Variants in ARAP2 observed in about 807,000 individuals in gnomAD.
ARAP2 encodes the protein arf-GAP with Rho-GAP domain, ANK repeat and PH domain-containing protein 2.
ARAP2 carries 148 observed loss-of-function variants against 194.5 expected under a neutral mutation model. The observed-to-expected ratio is 0.76, with a 90% CI of 0.67 to 0.87. The LOEUF (loss-of-function observed/expected upper bound fraction) is 0.87. Among genes scored for constraint, ARAP2 ranks in the 40% least tolerant of loss-of-function variants. ARAP2 has a pLI of 0.00. For missense variants in ARAP2, 2,128 were observed against 1,989.7 expected, an observed-to-expected ratio of 1.07 and a Z score of -1.32; for synonymous variants, 695 against 683.5, an observed-to-expected ratio of 1.02 and a Z score of -0.26.
intron 19 of ARAP2, among the ~76,000 whole-genome samples, chr4:36,144,558 T>G (rs1232164618): frequency 1.3e-5 from 2 of 151,788 alleles, no homozygotes; most frequent in African/African-American, 2.4e-5. Context: ...AAAGTCCTAA[T>G]TACGCCTAGA....
chr4:36,169,649 A>G (rs191401888), intron 9 of ARAP2, among the ~76,000 whole-genome samples: 3 of 151,084 alleles, frequency 2.0e-5, no homozygotes, highest in Admixed American at 1.3e-4. Context: ...CCCCTGCCTC[A>G]GCCTCCTGAG....
intron 5 of ARAP2, among the ~76,000 whole-genome samples, chr4:36,040,728 G>A (rs1279729887): frequency 1.3e-5 from 2 of 152,128 alleles, no homozygotes; most frequent in Non-Finnish European, 2.9e-5. Context: ...GCAAAGGAAG[G>A]AGCTTTTGGG....
At chr4:36,034,671 G>C (rs1719609955) in intron 5 of ARAP2, among the ~76,000 whole-genome samples, 1 of 151,904 alleles carries the variant, frequency 6.6e-6, no homozygotes, top group South Asian at 2.1e-4. Flanking sequence ...AGTGGTGTTT[G>C]GTTCTCAAGG....
At chr4:36,106,959 G>T (rs1718573937) in intron 27 of ARAP2, among the ~76,000 whole-genome samples, 1 of 151,764 alleles carries the variant, frequency 6.6e-6, no homozygotes, top group African/African-American at 2.4e-5. Context: ...CACAACAGAA[G>T]AATAATTAAG....
chr4:36,163,251 A>C (rs1734499326), intron 11 of ARAP2, among the ~76,000 whole-genome samples: 1 of 152,154 alleles, frequency 6.6e-6, no homozygotes, highest in African/African-American at 2.4e-5. Flanking sequence ...TGGGAAAAAA[A>C]ATACTGGAAA....
At chr4:36,120,049 T>C (rs187101123) in intron 23 of ARAP2, among the ~76,000 whole-genome samples, 28 of 151,666 alleles carry the variant, frequency 1.8e-4, no homozygotes, top group African/African-American at 6.5e-4. Context: ...CAAACTGAAA[T>C]GTTCATTAGG....
intron 25 of ARAP2, among the ~76,000 whole-genome samples, chr4:36,116,564 A>G (rs1053383105): frequency 2.0e-5 from 3 of 151,912 alleles, no homozygotes; most frequent in African/African-American, 4.8e-5. Flanking sequence ...ACTGGATGCT[A>G]AAGTATAGAA....
chr4:36,188,521 T>TG (rs1359260056), intron 7 of ARAP2, among the ~76,000 whole-genome samples: 3 of 152,070 alleles, frequency 2.0e-5, no homozygotes, highest in Non-Finnish European at 2.9e-5. Context: ...GACAAGTGCG[T>TG]GGGGGGCATT....
At chr4:36,031,384 T>C (rs1039296414) in intron 5 of ARAP2, among the ~76,000 whole-genome samples, 1 of 152,208 alleles carries the variant, frequency 6.6e-6, no homozygotes, top group Non-Finnish European at 1.5e-5. Context: ...CTTCTTATAC[T>C]AAGAAGCTTA....
Position 36,067,116 on chromosome 4 carries a change from T to C in ARAP2, c.*791A>G, listed in dbSNP as rs962961406. 6.6e-6 allele frequency: 1 copy of C among 152,272 alleles called. No individual in the cohort carries two copies. Among genetic ancestry groups the C allele is most frequent in the African/African-American group, 2.4e-5 (1 of 41,456 alleles). 9.4% of individuals were successfully genotyped at this position (152,272 alleles called of 1,614,324 possible). A position where few individuals can be genotyped will look rare whatever the true frequency, so the allele number is the denominator to read the frequency against. ...TGTACACAACCTCTCCAATGCAGTG[T>C]AAGTTTCCTCTTAGCAGCCACCAAC... On this transcript the variant is annotated 3_prime_UTR_variant, in exon 33 of 33. Transcript: ENST00000303965.
At chr4:36,051,506 A>C (rs1378315374) in intron 3 of ARAP2, among the ~76,000 whole-genome samples, 2 of 151,800 alleles carry the variant, frequency 1.3e-5, no homozygotes, top group African/African-American at 2.4e-5. Flanking sequence ...AATAATAACA[A>C]TAATAATAAT....
rs78137542 is a variant in ARAP2 at position 36,036,352 on chromosome 4, T to C, written n.607+9627A>G. Reference sequence around the variant, plus strand: ...TTCATTAACTTGGCTCAATAACATTTATTGTTTTTGCTGTCTTGCAATATT... The same window carrying C: ...TTCATTAACTTGGCTCAATAACATTCATTGTTTTTGCTGTCTTGCAATATT... On this transcript the variant is annotated intron_variant and non_coding_transcript_variant, in intron 5 of 12. Transcript: ENST00000503225. Among the ~76,000 whole-genome samples the C allele has an allele frequency of 1.3e-3, 195 of 152,220 alleles. 3 individuals carry two copies. In the East Asian group the frequency reaches 0.034, roughly 26 times the overall value.
chr4:36,033,657 T>C lies in ARAP2; in HGVS notation n.607+12322A>G, dbSNP rs552366062. ...GCAGAAGCTCTTAAGTTTAATTACA[T>C]CCCATTTTTAATTATTTGCTTTTTT... On this transcript the variant is annotated intron_variant and non_coding_transcript_variant, in intron 5 of 12. Transcript: ENST00000503225. Among the ~76,000 whole-genome samples, 20 of 152,282 alleles carry C rather than the reference T, an allele frequency of 1.3e-4. No individual in the cohort carries two copies. In the South Asian group the frequency reaches 4.2e-3, roughly 32 times the overall value.
In ARAP2 at chr4:36,067,763, G is replaced by T; in HGVS notation, c.*144C>A. The T allele has an allele frequency of 1.2e-6, 1 of 813,274 alleles. No homozygotes were observed. The highest frequency in any genetic ancestry group is 1.9e-6 in the Non-Finnish European group (1 of 538,498). The allele number at this position is 813,274 out of a possible 1,614,324, so 50.4% of individuals were successfully genotyped here. ...GTCACATATATACATATTTTTAAAT[G>T]CTCCTTAAATGCCTAAGCATAGACA... On this transcript the variant is annotated 3_prime_UTR_variant, in exon 33 of 33. Coordinates refer to ENST00000303965, the MANE Select transcript of ARAP2 (RefSeq NM_015230.4).
At chr4:36,014,229 GAAAGAAAGAAAGA>G (rs1715128581) in intron 8 of ARAP2, among the ~76,000 whole-genome samples, 8 of 31,082 alleles carry the variant, frequency 2.6e-4, no homozygotes, top group African/African-American at 4.5e-4. Context: ...CCTATCGAAA[GAAAGAAAGAAAGA>G]AAGAAAGAAA....
At chr4:36,232,264 A>G (rs1044427762) in intron 1 of ARAP2, among the ~76,000 whole-genome samples, 2 of 152,204 alleles carry the variant, frequency 1.3e-5, no homozygotes, top group Non-Finnish European at 1.5e-5. Flanking sequence ...CATCTTTTGC[A>G]TGGATTACTG....
Position 36,228,884 on chromosome 4 carries a change from C to A in ARAP2, c.603G>T (p.Leu201Phe), listed in dbSNP as rs774496173. ...GGAGCTTACTGAGATTTTCTGTGAT[C>A]AATTTAACTTTTTCTGTTTGTTGTT... is the stretch of plus-strand genomic sequence containing the variant. ...VEEQQTEKVK[L>F]ITENLSKLPN... Residue 201 changes from leucine (L) to phenylalanine (F), a missense_variant, in exon 2 of 33, where the codon TTG becomes TTT. Leu to Phe is a conservative substitution (Grantham distance 22). Transcript: ENST00000303965. 1 of 1,613,962 alleles carries A rather than the reference C, an allele frequency of 6.2e-7. No individual in the cohort carries two copies. Among genetic ancestry groups the A allele is most frequent in the Non-Finnish European group, 8.5e-7 (1 of 1,179,962 alleles).
intron 9 of ARAP2, among the ~76,000 whole-genome samples, chr4:36,171,440 T>C (rs1053520309): frequency 6.6e-6 from 1 of 151,672 alleles, no homozygotes; most frequent in Non-Finnish European, 1.5e-5. Flanking sequence ...AAACACCACA[T>C]GTTCTCACTC....
intron 8 of ARAP2, among the ~76,000 whole-genome samples, chr4:36,013,528 T>A (rs982147966): frequency 3.5e-4 from 53 of 152,134 alleles, no homozygotes; most frequent in Admixed American, 3.5e-3. Flanking sequence ...TACAGGGTGT[T>A]TGGGCACGTG....
Sources: gnomAD v4.1 joint callset for allele counts (sites outside exome capture counted in the v4.1 genomes callset) on GRCh38, gnomAD v4.1.1 for gene constraint, MANE v1.5 for transcripts, NCBI Gene and HGNC (gene_info 2026-07-23, HGNC 2026-07-21) for gene names.